ACTR3C: variants seen among roughly 807,000 people sequenced by gnomAD.
The protein encoded by ACTR3C is actin-related protein 3C.
A neutral mutation model predicts 26.3 loss-of-function variants in ACTR3C; 18 were observed. The observed-to-expected ratio is 0.68, with a 90% CI of 0.47 to 1.01. The LOEUF (loss-of-function observed/expected upper bound fraction) is 1.01, where lower values mean the gene tolerates loss of function less well. Ranked by LOEUF, ACTR3C falls within the 50% of genes least tolerant of loss-of-function variation. The pLI is 0.00. For synonymous variants in ACTR3C, 55 were observed against 94.5 expected (o/e 0.58, Z 2.42); for missense variants, 184 against 250.7 (o/e 0.73, Z 1.80).
At chr7:149,976,123 C>G in the ACTR3C span, among the ~76,000 whole-genome samples, 3 of 152,156 alleles carry the variant, frequency 2.0e-5, no homozygotes, top group Admixed American at 1.3e-4. Flanking sequence ...TGTTTCTAAT[C>G]AAGTGTATTT....
the ACTR3C span, among the ~76,000 whole-genome samples, chr7:149,971,726 T>C: frequency 6.6e-6 from 1 of 152,234 alleles, no homozygotes; most frequent in Non-Finnish European, 1.5e-5. Flanking sequence ...TGGAGTGTCA[T>C]GTCTCCCTCG....
At chr7:150,146,024 G>A in the ACTR3C span, among the ~76,000 whole-genome samples, 22 of 151,776 alleles carry the variant, frequency 1.4e-4, no homozygotes, top group East Asian at 3.9e-4. Flanking sequence ...CTTATTCCAC[G>A]TCTATAGTTG....
the ACTR3C span, among the ~76,000 whole-genome samples, chr7:149,959,943 C>T: frequency 6.6e-6 from 1 of 151,984 alleles, no homozygotes; most frequent in Non-Finnish European, 1.5e-5. Flanking sequence ...GCACACAGTC[C>T]TACAATTGGA....
At chr7:150,146,453 A>T in the ACTR3C span, among the ~76,000 whole-genome samples, 1 of 152,152 alleles carries the variant, frequency 6.6e-6, no homozygotes, top group Admixed American at 6.5e-5. Flanking sequence ...TTCCTGTATC[A>T]TCTTTTCAAA....
At chr7:150,079,128 G>T in the ACTR3C span, among the ~76,000 whole-genome samples, 20 of 152,228 alleles carry the variant, frequency 1.3e-4, no homozygotes, top group African/African-American at 4.1e-4. Flanking sequence ...ATGATTGTAG[G>T]CTGGAAAGGA....
At chr7:150,242,771 G>A (rs1267893407), downstream of ACTR3C, among the ~76,000 whole-genome samples, 1 of 152,164 alleles carries the variant, frequency 6.6e-6, no homozygotes, top group African/African-American at 2.4e-5. Flanking sequence ...GAGGGAAGGA[G>A]TATCAGCAGT....
chr7:150,165,043 A>T, the ACTR3C span, among the ~76,000 whole-genome samples: 3 of 152,224 alleles, frequency 2.0e-5, no homozygotes, highest in South Asian at 6.2e-4. Flanking sequence ...GGCAACGTGC[A>T]GAAATGGCAT....
the ACTR3C span, among the ~76,000 whole-genome samples, chr7:150,141,282 C>T: frequency 6.6e-6 from 1 of 152,334 alleles, no homozygotes; most frequent in South Asian, 2.1e-4. Context: ...CAAGAAGTCA[C>T]ATCCTTCTCC....
chr7:150,216,671 C>G, the ACTR3C span, among the ~76,000 whole-genome samples: 8 of 151,968 alleles, frequency 5.3e-5, no homozygotes, highest in African/African-American at 1.9e-4. Flanking sequence ...GAGCTGTGTG[C>G]CTATGAGAGG....
At chr7:150,199,999 A>G in the ACTR3C span, among the ~76,000 whole-genome samples, 1 of 152,218 alleles carries the variant, frequency 6.6e-6, no homozygotes, top group African/African-American at 2.4e-5. Flanking sequence ...ACAGCTAATG[A>G]GAAAGCTTTG....
At chr7:150,225,004 A>AGTGT in the ACTR3C span, among the ~76,000 whole-genome samples, 13,603 of 136,156 alleles carry the variant, frequency 0.1, 692 homozygotes, top group East Asian at 0.15. Flanking sequence ...CACCCCCATT[A>AGTGT]GTGTGTGTGT....
chr7:150,154,778 C>T, the ACTR3C span, among the ~76,000 whole-genome samples: 1 of 152,036 alleles, frequency 6.6e-6, no homozygotes, highest in Non-Finnish European at 1.5e-5. Context: ...AATTTAGCCA[C>T]ATGCAGAACT....
the ACTR3C span, among the ~76,000 whole-genome samples, chr7:150,208,945 C>A: frequency 6.6e-6 from 1 of 152,076 alleles, no homozygotes; most frequent in African/African-American, 2.4e-5. Context: ...ACAACATTAA[C>A]AAGACCCAAA....
the ACTR3C span, among the ~76,000 whole-genome samples, chr7:150,106,824 C>G: frequency 6.9e-6 from 1 of 145,822 alleles, no homozygotes; most frequent in East Asian, 1.9e-4. Flanking sequence ...AGGTGCTTCC[C>G]TGGCTAAAGA....
chr7:150,173,200 G>A, the ACTR3C span, among the ~76,000 whole-genome samples: 1 of 149,878 alleles, frequency 6.7e-6, no homozygotes, highest in Non-Finnish European at 1.5e-5. Flanking sequence ...TTCTACATGA[G>A]TGCCCTGCTC....
the ACTR3C span, among the ~76,000 whole-genome samples, chr7:149,925,056 T>G: frequency 1.3e-5 from 2 of 151,884 alleles, no homozygotes; most frequent in African/African-American, 4.8e-5. Context: ...CCATGTAATC[T>G]AGGAATGAAA....
At chr7:150,118,227 G>C in the ACTR3C span, among the ~76,000 whole-genome samples, 1 of 152,052 alleles carries the variant, frequency 6.6e-6, no homozygotes, top group Admixed American at 6.5e-5. Context: ...AAACCGGATG[G>C]AGAATGAGTT....
At chr7:150,252,549 T>A (rs17134450) in intron 6 of ACTR3C, among the ~76,000 whole-genome samples, 8,988 of 152,156 alleles carry the variant, frequency 0.059, 408 homozygotes, top group East Asian at 0.12. Flanking sequence ...ACCAGAGACA[T>A]TACGGAAAGT....
chr7:149,897,450 G>A, the ACTR3C span, among the ~76,000 whole-genome samples: 19 of 152,208 alleles, frequency 1.2e-4, no homozygotes, highest in Admixed American at 5.9e-4. Context: ...TATTAAGCTA[G>A]CTAGAAATTT....
Sources: allele counts gnomAD v4.1 joint callset (sites outside exome capture counted in the v4.1 genomes callset), GRCh38; gene constraint gnomAD v4.1.1; transcripts MANE v1.5; gene names NCBI Gene and HGNC (gene_info 2026-07-23, HGNC 2026-07-21).